Variants in MICAL3 observed in about 807,000 individuals in gnomAD.
MICAL3 encodes microtubule associated monooxygenase, calponin and LIM domain containing 3, also known as [F-actin]-monooxygenase MICAL3.
A neutral mutation model predicts 207.4 loss-of-function variants in MICAL3; 62 were observed. That is an observed-to-expected ratio of 0.30 (90% CI 0.24 to 0.37). The LOEUF (loss-of-function observed/expected upper bound fraction) is 0.37, where lower values mean the gene tolerates loss of function less well. MICAL3 is among the 10% of genes least tolerant of loss of function. The probability of loss-of-function intolerance (pLI) is 1.00; values close to 1 mark genes in which losing one functional copy is unlikely to be tolerated. For synonymous variants in MICAL3, 1,077 were observed against 1,069.3 expected, an observed-to-expected ratio of 1.01 and a Z score of -0.14; for missense variants, 2,368 against 2,635.6, an observed-to-expected ratio of 0.90 and a Z score of 2.22.
intron 29 of MICAL3, among the ~76,000 whole-genome samples, chr22:17,802,210 G>GT (rs1196970337): frequency 6.6e-6 from 1 of 152,026 alleles, no homozygotes; most frequent in Non-Finnish European, 1.5e-5. Flanking sequence ...CTACAGGCAC[G>GT]TGCCACTATG....
intron 7 of MICAL3, among the ~76,000 whole-genome samples, chr22:17,897,932 G>A (rs1930988552): frequency 6.6e-6 from 1 of 152,180 alleles, no homozygotes. Context: ...TTCTCTGAAA[G>A]TGGGGCCTAC....
chr22:17,821,512 G>C lies in MICAL3; in HGVS notation c.3449-3C>G. On this transcript the variant is annotated splice_region_variant and splice_polypyrimidine_tract_variant and intron_variant, in intron 24 of 31. Transcript: ENST00000441493. ...GGGGCTGGTGGCTTGGGAGGGACCT[G>C]AAAAGAATGAACACAGGGACTTACA... The C allele has an allele frequency of 6.5e-7, 1 of 1,537,500 alleles. No homozygotes were observed. Among genetic ancestry groups the C allele is most frequent in the Non-Finnish European group, 8.8e-7 (1 of 1,142,800 alleles).
At chr22:17,897,555 T>C (rs112938972) in intron 7 of MICAL3, among the ~76,000 whole-genome samples, 83 of 152,120 alleles carry the variant, frequency 5.5e-4, no homozygotes, top group African/African-American at 2.0e-3. Flanking sequence ...TTTGATCTTA[T>C]CCAATCTGCC....
chr22:17,974,699 G>C (rs1033545133), intron 1 of MICAL3, among the ~76,000 whole-genome samples: 2 of 146,410 alleles, frequency 1.4e-5, no homozygotes, highest in African/African-American at 5.1e-5. Flanking sequence ...ACTCCAGCCT[G>C]GATAACAGAG....
At chr22:17,834,093 A>G (rs1923100425) in intron 20 of MICAL3, among the ~76,000 whole-genome samples, 1 of 152,178 alleles carries the variant, frequency 6.6e-6, no homozygotes, top group Admixed American at 6.5e-5. Context: ...TGGGGTCAGA[A>G]GTGGGGCAGT....
chr22:17,875,519 G>C, intron 16 of MICAL3: 1 of 1,554,554 alleles, frequency 6.4e-7, no homozygotes, highest in Non-Finnish European at 8.7e-7. Flanking sequence ...GCTCCCACTG[G>C]TCGACAAAAA....
At position 17,843,069 on chromosome 22, in the gene MICAL3, C is replaced by T. The variant is rs564676389; in HGVS notation, c.2606-1052G>A. ...CTGGGAGGCGGAGCTTGCAGTGAAC[C>T]GAGATTGCGCCACTGCACTCCAGCC... is the stretch of plus-strand genomic sequence containing the variant. On this transcript the variant is annotated intron_variant, in intron 19 of 31. Coordinates refer to ENST00000441493, the MANE Select transcript of MICAL3 (RefSeq NM_015241.3). Among the ~76,000 whole-genome samples the T allele has an allele frequency of 5.2e-3, 703 of 134,700 alleles. 7 individuals carry two copies. Among genetic ancestry groups the T allele is most frequent in the African/African-American group, 0.019 (662 of 34,574 alleles). The allele number at this position is 134,700 out of a possible 152,430, so 88.4% of individuals were successfully genotyped here.
In MICAL3 at chr22:17,900,721, A is replaced by C. The variant is rs1186129896; in HGVS notation, c.847+121T>G. On this transcript the variant is annotated intron_variant, in intron 6 of 31. Transcript: ENST00000441493. The surrounding 1 kb of genome is among the most constrained non-coding windows in gnomAD (Gnocchi z 4.0). ...AAGAAGGAACAGGAGTGAAAAGAGC[A>C]GGAGGGGCAGACAGTGCAGGAGGGA... 1 of 742,824 alleles carries C rather than the reference A, an allele frequency of 1.3e-6. No individual in the cohort carries two copies. Among genetic ancestry groups the C allele is most frequent in the Non-Finnish European group, 2.2e-6 (1 of 447,592 alleles). The allele number at this position is 742,824 out of a possible 1,614,324, so 46.0% of individuals were successfully genotyped here.
At chr22:17,979,065 T>C (rs13054517) in intron 1 of MICAL3, among the ~76,000 whole-genome samples, 40,797 of 151,038 alleles carry the variant, frequency 0.27, 5,928 homozygotes, top group African/African-American at 0.37. Flanking sequence ...TCCCAGCTAC[T>C]TGGGAGGCTG....
chr22:17,974,723 T>TA (rs5844339), intron 1 of MICAL3, among the ~76,000 whole-genome samples: 4,790 of 105,862 alleles, frequency 0.045, 127 homozygotes, highest in Middle Eastern at 0.098. Context: ...GACTCCGTCT[T>TA]AAAAAAAAAA....
intron 28 of MICAL3, among the ~76,000 whole-genome samples, chr22:17,809,953 A>G (rs1478046509): frequency 6.6e-6 from 1 of 151,674 alleles, no homozygotes; most frequent in Non-Finnish European, 1.5e-5. Context: ...CAATGGTGCA[A>G]TCTAGGCTCA....
chr22:17,938,591 A>G (rs999965560), intron 1 of MICAL3, among the ~76,000 whole-genome samples: 2 of 152,220 alleles, frequency 1.3e-5, no homozygotes, highest in Non-Finnish European at 2.9e-5. Flanking sequence ...TTTGATACCA[A>G]GCACAATTCT....
chr22:18,008,634 G>C (rs1923551753), intron 1 of MICAL3, among the ~76,000 whole-genome samples: 1 of 152,174 alleles, frequency 6.6e-6, no homozygotes, highest in Non-Finnish European at 1.5e-5. Context: ...TCCATGGATT[G>C]GGATGTCTTA....
At chr22:17,877,151 T>G (rs62643864) in intron 16 of MICAL3, among the ~76,000 whole-genome samples, 1,858 of 83,324 alleles carry the variant, frequency 0.022, 3 homozygotes, top group Non-Finnish European at 0.029. Context: ...TTATGGAGGT[T>G]AGGGAGGTTA....
intron 1 of MICAL3, among the ~76,000 whole-genome samples, chr22:18,003,674 T>A (rs1300137109): frequency 6.6e-6 from 1 of 152,174 alleles, no homozygotes; most frequent in East Asian, 1.9e-4. Context: ...TTCAGCTCCA[T>A]CTTCTTTAGT....
At chr22:17,983,294 T>A (rs1270949309) in intron 1 of MICAL3, 1 of 152,318 alleles carries the variant, frequency 6.6e-6, no homozygotes, top group Non-Finnish European at 1.5e-5. Flanking sequence ...CCCCCTAGGC[T>A]GGCTTTGGCC....
intron 1 of MICAL3, among the ~76,000 whole-genome samples, chr22:17,930,983 C>A (rs964381864): frequency 3.3e-5 from 5 of 152,234 alleles, no homozygotes; most frequent in African/African-American, 4.8e-5. Flanking sequence ...CGCCTCCCAA[C>A]GCCCCCTCCT....
At chr22:18,001,603 C>T (rs1923023812) in intron 1 of MICAL3, 1 of 152,346 alleles carries the variant, frequency 6.6e-6, no homozygotes, top group African/African-American at 2.4e-5. Flanking sequence ...CTCAGTACAC[C>T]TCGAAAACTG....
Position 17,818,697 on chromosome 22 carries a change from C to T in MICAL3, c.3964G>A (p.Asp1322Asn), listed in dbSNP as rs780064752. The change falls in exon 26 of 32, where the codon GAC (aspartate) becomes AAC (asparagine). Residue 1322 changes from aspartate (D) to asparagine (N), a missense_variant. By Grantham distance (23) the Asp-to-Asn change is conservative. Around this residue, in one of 4 missense-constraint regions of MICAL3, gnomAD observed 1,770 missense variants for 1,863.2 expected, o/e 0.95. Coordinates refer to ENST00000441493, the MANE Select transcript of MICAL3 (RefSeq NM_015241.3). ...LAVDEALRRS[D>N]LVEEFWMKSA... is the part of the protein sequence containing the mutation. ...TTCATCCAGAACTCCTCCACCAGGT[C>T]GCTCCGTCTGAGGGCCTCATCCACA... 8 of 1,613,784 alleles carry T rather than the reference C, an allele frequency of 5.0e-6. No individual in the cohort carries two copies. Among genetic ancestry groups the T allele is most frequent in the South Asian group, 4.4e-5 (4 of 91,060 alleles).
Sources: gnomAD v4.1 joint callset for allele counts (sites outside exome capture counted in the v4.1 genomes callset) on GRCh38, gnomAD v4.1.1 for gene constraint, gnomAD v4.1.1 regional missense constraint, Gnocchi (gnomAD v3.1) non-coding constraint, MANE v1.5 for transcripts, NCBI Gene and HGNC (gene_info 2026-07-23, HGNC 2026-07-21) for gene names.